Variants in AP3S1 observed in about 807,000 individuals in gnomAD.
AP3S1 encodes adaptor related protein complex 3 subunit sigma 1.
A neutral mutation model predicts 21.3 loss-of-function variants in AP3S1; 12 were observed. That is an observed-to-expected ratio of 0.56 (90% CI 0.36 to 0.91). The LOEUF is 0.91. Ranked by LOEUF, AP3S1 falls within the 40% of genes least tolerant of loss-of-function variation. AP3S1 has a pLI of 0.01. For missense variants in AP3S1, 116 were observed against 225.0 expected (o/e 0.52, Z 3.10); for synonymous variants, 48 against 78.4 (o/e 0.61, Z 2.05).
At chr5:115,855,439 A>G (rs963361525) in intron 1 of AP3S1, among the ~76,000 whole-genome samples, 2 of 152,116 alleles carry the variant, frequency 1.3e-5, no homozygotes, top group Non-Finnish European at 1.5e-5. Flanking sequence ...CCCTGGGCTC[A>G]GGTGATCCTC....
chr5:115,879,506 A>C (rs1313359778), intron 3 of AP3S1, among the ~76,000 whole-genome samples: 1 of 152,008 alleles, frequency 6.6e-6, no homozygotes, highest in African/African-American at 2.4e-5. Flanking sequence ...ACGTTTATTG[A>C]TTTGCGTATG....
In AP3S1 at chr5:115,875,954, G is replaced by T. The variant is rs559516128; in HGVS notation, c.273+5826G>T. Among the ~76,000 whole-genome samples the T allele has an allele frequency of 2.0e-5, 3 of 152,202 alleles. No individual in the cohort carries two copies. The South Asian group carries it at 6.2e-4, about 32-fold the overall frequency. ...TTCTCAGTTATTTACATTGCTATTT[G>T]TGACAAATCCTGGTATCAAATTTGA... On this transcript the variant is annotated intron_variant, in intron 3 of 5. Transcript: ENST00000316788.
At chr5:115,878,899 A>G (rs1428089368) in intron 3 of AP3S1, among the ~76,000 whole-genome samples, 2 of 152,134 alleles carry the variant, frequency 1.3e-5, no homozygotes, top group Non-Finnish European at 2.9e-5. Context: ...ATTCTCCTTG[A>G]AGAGGCCCTT....
chr5:115,900,571 A>G (rs1177246831), intron 4 of AP3S1, among the ~76,000 whole-genome samples: 1 of 152,224 alleles, frequency 6.6e-6, no homozygotes, highest in South Asian at 2.1e-4. Flanking sequence ...TAGTAACTAC[A>G]GTCTAGAGGT....
chr5:115,903,048 C>A, intron 5 of AP3S1, 56 bp downstream of exon 5: 2 of 1,273,248 alleles, frequency 1.6e-6, no homozygotes, highest in Non-Finnish European at 1.1e-6. Context: ...ACAGATTACG[C>A]ATGATTTGTA....
intron 3 of AP3S1, among the ~76,000 whole-genome samples, chr5:115,875,118 A>G (rs557501684): frequency 6.6e-6 from 1 of 152,230 alleles, no homozygotes; most frequent in Non-Finnish European, 1.5e-5. Flanking sequence ...TTATTTTGTT[A>G]GTACACAAAC....
intron 1 of AP3S1, among the ~76,000 whole-genome samples, chr5:115,846,323 A>G (rs893852249): frequency 2.6e-5 from 4 of 152,212 alleles, no homozygotes; most frequent in African/African-American, 4.8e-5. Context: ...AATTACTTTT[A>G]TAAAGTGGAA....
intron 3 of AP3S1, among the ~76,000 whole-genome samples, chr5:115,874,462 A>G (rs1207157079): frequency 6.6e-6 from 1 of 152,156 alleles, no homozygotes; most frequent in Non-Finnish European, 1.5e-5. Context: ...TTCACTGGAT[A>G]ATTCCAAATC....
intron 3 of AP3S1, among the ~76,000 whole-genome samples, chr5:115,882,243 C>T (rs576601460): frequency 4.6e-5 from 7 of 152,144 alleles, no homozygotes; most frequent in Middle Eastern, 6.8e-3. Flanking sequence ...TGTTCCCTTG[C>T]TTTTGAGGAA....
chr5:115,880,977 T>C (rs1749227120), intron 3 of AP3S1, among the ~76,000 whole-genome samples: 1 of 152,178 alleles, frequency 6.6e-6, no homozygotes. Context: ...TTTTTGATCT[T>C]TGTTGGTTTA....
At chr5:115,913,130 A>T (rs1317580218) in intron 5 of AP3S1, among the ~76,000 whole-genome samples, 1 of 152,144 alleles carries the variant, frequency 6.6e-6, no homozygotes, top group Non-Finnish European at 1.5e-5. Flanking sequence ...TTGTATTTAA[A>T]TCTTTACATT....
At chr5:115,861,424 A>AT (rs1486803155) in intron 1 of AP3S1, among the ~76,000 whole-genome samples, 15 of 152,186 alleles carry the variant, frequency 9.9e-5, no homozygotes, top group Non-Finnish European at 2.2e-4. Flanking sequence ...TTTAGGTCAG[A>AT]TAAAAACTAG....
At chr5:115,912,993 C>T (rs1177605601) in intron 5 of AP3S1, among the ~76,000 whole-genome samples, 2 of 152,090 alleles carry the variant, frequency 1.3e-5, no homozygotes, top group African/African-American at 2.4e-5. Flanking sequence ...CTATCACAAT[C>T]GTTGCAAGAG....
chr5:115,903,181 C>T (rs957958255), intron 5 of AP3S1, 189 bp downstream of exon 5: 11 of 422,978 alleles, frequency 2.6e-5, no homozygotes, highest in African/African-American at 2.3e-4. Context: ...TACCCAACAG[C>T]TTTGTGTATT....
intron 5 of AP3S1, chr5:115,912,034 T>G (rs1752153727): frequency 6.6e-6 from 1 of 152,044 alleles, no homozygotes; most frequent in African/African-American, 2.4e-5. Context: ...AATTCTGAAT[T>G]GATAATCCAT....
chr5:115,912,344 T>C (rs1002257895), intron 5 of AP3S1, among the ~76,000 whole-genome samples: 6 of 152,050 alleles, frequency 3.9e-5, no homozygotes, highest in African/African-American at 1.4e-4. Context: ...CTTTGTTGAC[T>C]TTGCTTTATT....
chr5:115,883,597 C>T lies in AP3S1; in HGVS notation c.274-11490C>T, dbSNP rs147268759. Reference sequence around the variant, plus strand: ...CTCGGTTGGAAATGCAGAAATCACCCGCCTTCTGCGTTGATCTCGCTGGGA... The same window carrying T: ...CTCGGTTGGAAATGCAGAAATCACCTGCCTTCTGCGTTGATCTCGCTGGGA... On this transcript the variant is annotated intron_variant, in intron 3 of 5. Coordinates refer to ENST00000316788, the MANE Select transcript of AP3S1 (RefSeq NM_001284.4). Among the ~76,000 whole-genome samples the T allele has an allele frequency of 2.2e-4, 33 of 152,356 alleles. 1 individual carries two copies. Among genetic ancestry groups the T allele is most frequent in the Admixed American group, 3.9e-4 (6 of 15,304 alleles).
intron 1 of AP3S1, among the ~76,000 whole-genome samples, chr5:115,848,104 C>G (rs1332254691): frequency 1.3e-5 from 2 of 151,892 alleles, no homozygotes; most frequent in African/African-American, 4.8e-5. Flanking sequence ...TAGGTCATTT[C>G]ATGGCTTTTC....
chr5:115,909,895 A>G (rs1049322263), intron 5 of AP3S1, among the ~76,000 whole-genome samples: 9 of 152,174 alleles, frequency 5.9e-5, no homozygotes, highest in Non-Finnish European at 1.2e-4. Flanking sequence ...GATAAAATTT[A>G]ATTTATAAAA....
Sources: allele counts gnomAD v4.1 joint callset (sites outside exome capture counted in the v4.1 genomes callset), GRCh38; gene constraint gnomAD v4.1.1; transcripts MANE v1.5; gene names NCBI Gene and HGNC (gene_info 2026-07-23, HGNC 2026-07-21).